Variants in ARHGEF3 observed in about 807,000 individuals in gnomAD.
ARHGEF3 encodes 59.8 kDA protein.
A neutral mutation model predicts 63.2 loss-of-function variants in ARHGEF3; 28 were observed. That is an observed-to-expected ratio of 0.44 (90% confidence interval 0.33 to 0.61). The LOEUF is 0.61. ARHGEF3 is among the 20% of genes least tolerant of loss of function. The pLI is 0.03. For synonymous variants in ARHGEF3, 266 were observed against 254.2 expected, an observed-to-expected ratio of 1.05 and a Z score of -0.44; for missense variants, 533 against 659.3, an observed-to-expected ratio of 0.81 and a Z score of 2.10.
chr3:56,732,176 A>T, intron 9 of ARHGEF3, 62 bp downstream of exon 9: 1 of 1,581,194 alleles, frequency 6.3e-7, no homozygotes, highest in South Asian at 1.1e-5. Flanking sequence ...CCAGCTGCCC[A>T]CTCCCTCCAA....
intron 4 of ARHGEF3, among the ~76,000 whole-genome samples, chr3:56,864,223 A>C (rs2040169924): frequency 6.6e-6 from 1 of 152,230 alleles, no homozygotes; most frequent in Admixed American, 6.5e-5. Flanking sequence ...TCTTGGGCAT[A>C]GCCTTTGAAG....
chr3:56,774,979 A>G (rs1054743991), intron 1 of ARHGEF3: 68 of 1,467,402 alleles, frequency 4.6e-5, no homozygotes, highest in Non-Finnish European at 6.0e-5. Context: ...AACATTTTAC[A>G]AAGACAAAGA....
chr3:56,967,635 ATAT>A (rs1700611942), intron 2 of ARHGEF3, among the ~76,000 whole-genome samples: 1 of 86,266 alleles, frequency 1.2e-5, no homozygotes, highest in Non-Finnish European at 2.0e-5. Flanking sequence ...TATATAATAT[ATAT>A]TATATAATAT....
At chr3:56,804,191 T>C (rs892051964), upstream of ARHGEF3, among the ~76,000 whole-genome samples, 1 of 152,220 alleles carries the variant, frequency 6.6e-6, no homozygotes, top group Non-Finnish European at 1.5e-5. Flanking sequence ...AGCCCTAAAA[T>C]GATCATCTCT....
chr3:56,855,090 A>C (rs1228125737), intron 4 of ARHGEF3, among the ~76,000 whole-genome samples: 1 of 151,986 alleles, frequency 6.6e-6, no homozygotes, highest in African/African-American at 2.4e-5. Flanking sequence ...AATAGTATGG[A>C]GTACAATAAC....
chr3:56,867,939 A>C (rs544131973), intron 4 of ARHGEF3, among the ~76,000 whole-genome samples: 2 of 152,184 alleles, frequency 1.3e-5, no homozygotes, highest in Non-Finnish European at 2.9e-5. Context: ...TTCTGGCTCT[A>C]TTTATCAAAC....
upstream of ARHGEF3, among the ~76,000 whole-genome samples, chr3:56,803,379 C>A (rs758887329): frequency 1.3e-5 from 2 of 150,640 alleles, no homozygotes; most frequent in Non-Finnish European, 2.9e-5. Context: ...GCAGAAGTTG[C>A]AGTGAGCCAA....
intron 3 of ARHGEF3, among the ~76,000 whole-genome samples, chr3:56,930,088 G>T (rs1488617093): frequency 6.6e-6 from 1 of 152,096 alleles, no homozygotes; most frequent in Non-Finnish European, 1.5e-5. Context: ...TCTTCAGGAG[G>T]TCCTCATCAG....
At chr3:57,069,307 C>CA (rs1457868751) in intron 1 of ARHGEF3, among the ~76,000 whole-genome samples, 2 of 151,702 alleles carry the variant, frequency 1.3e-5, no homozygotes, top group Non-Finnish European at 2.9e-5. Flanking sequence ...AAACACAGTC[C>CA]AAATTCATGC....
chr3:56,866,642 TG>T (rs1387088840), intron 4 of ARHGEF3, among the ~76,000 whole-genome samples: 13 of 152,376 alleles, frequency 8.5e-5, no homozygotes, highest in African/African-American at 3.1e-4. Flanking sequence ...AAAGATGTAC[TG>T]GTACTCTGTC....
chr3:56,989,659 G>A (rs571282483), intron 2 of ARHGEF3, among the ~76,000 whole-genome samples: 1 of 152,204 alleles, frequency 6.6e-6, no homozygotes, highest in East Asian at 1.9e-4. Context: ...CTGGCCTCTA[G>A]TAAGGCTGCT....
chr3:56,787,837 A>G (rs1304735303), intron 1 of ARHGEF3, among the ~76,000 whole-genome samples: 1 of 152,066 alleles, frequency 6.6e-6, no homozygotes, highest in South Asian at 2.1e-4. Flanking sequence ...TAATATACCC[A>G]TTTCACAGTG....
chr3:56,867,192 A>G (rs1578715590), intron 4 of ARHGEF3, among the ~76,000 whole-genome samples: 1 of 152,208 alleles, frequency 6.6e-6, no homozygotes, highest in Non-Finnish European at 1.5e-5. Context: ...GTTTACAGTA[A>G]CCTTCCAAAG....
At chr3:56,746,982 C>T (rs558266750) in intron 6 of ARHGEF3, among the ~76,000 whole-genome samples, 3 of 151,794 alleles carry the variant, frequency 2.0e-5, no homozygotes, top group Non-Finnish European at 4.4e-5. Context: ...TTTTTTCCCT[C>T]AACCTTATAT....
intron 7 of ARHGEF3, among the ~76,000 whole-genome samples, chr3:56,743,362 T>C (rs2034169695): frequency 6.6e-6 from 1 of 152,130 alleles, no homozygotes; most frequent in Non-Finnish European, 1.5e-5. Flanking sequence ...AAACTCAAAG[T>C]AGTGGGCAGG....
rs184753853 is a variant in ARHGEF3, at chr3:56,909,733, G to A, written c.130-27379C>T. ...CACCTTCATCACTTACTGTTACTAC[G>A]TTTAACACCCTCCACTCCCAGCAAC... is the stretch of plus-strand genomic sequence containing the variant. On this transcript the variant is annotated intron_variant, in intron 3 of 12. Coordinates refer to the ARHGEF3 transcript ENST00000338458. Among the ~76,000 whole-genome samples the A allele has an allele frequency of 1.5e-3, 230 of 152,234 alleles. 5 individuals are homozygous for A. The highest frequency in any genetic ancestry group is 4.4e-4 in the Non-Finnish European group (30 of 68,028).
intron 3 of ARHGEF3, among the ~76,000 whole-genome samples, chr3:56,931,180 G>A (rs911508390): frequency 1.3e-5 from 2 of 152,136 alleles, no homozygotes; most frequent in African/African-American, 2.4e-5. Flanking sequence ...ACTTCCTAAT[G>A]CCTGGCAGAG....
chr3:56,811,448 T>C (rs904637431), intron 4 of ARHGEF3, among the ~76,000 whole-genome samples: 1 of 152,100 alleles, frequency 6.6e-6, no homozygotes, highest in African/African-American at 2.4e-5. Context: ...AGAAACAGGT[T>C]CGGGGACTCC....
At position 56,773,742 on chromosome 3, in the gene ARHGEF3, G is replaced by C. The variant is rs774817241; in HGVS notation, c.171C>G (p.Ala57=). The C allele has an allele frequency of 3.1e-6, 5 of 1,597,016 alleles. No individual in the cohort carries two copies. Among genetic ancestry groups the C allele is most frequent in the Non-Finnish European group, 4.3e-6 (5 of 1,174,184 alleles). The change falls in exon 2 of 10, where the codon GCC becomes GCG. Residue 57 remains alanine, a synonymous_variant. Transcript: ENST00000296315. ...TTTGACTGAAGCGCTTTAATGGCGT[G>C]GCCTTCACGGGCGGGATGAGGTTTG... ...SLANLIPPVK[A]TPLKRFSQTL... is the part of the protein sequence containing the mutation.
Sources: allele counts gnomAD v4.1 joint callset (sites outside exome capture counted in the v4.1 genomes callset), GRCh38; gene constraint gnomAD v4.1.1; transcripts MANE v1.5; gene names NCBI Gene and HGNC (gene_info 2026-07-23, HGNC 2026-07-21).